Variants in UBE3A observed in about 807,000 individuals in gnomAD.
The protein encoded by UBE3A is ubiquitin-protein ligase E3A.
Under a neutral mutation model 83.4 loss-of-function variants are expected in UBE3A, and 6 were observed. The ratio of observed to expected loss-of-function variants is 0.07; its 90% CI spans 0.04 to 0.14. The LOEUF (loss-of-function observed/expected upper bound fraction) is 0.14. Ranked by LOEUF, UBE3A falls within the 10% of genes least tolerant of loss-of-function variation. UBE3A has a pLI of 1.00. For synonymous variants in UBE3A, 337 were observed against 355.4 expected (o/e 0.95, Z 0.58); for missense variants, 456 against 1,036.1 (o/e 0.44, Z 7.69).
At position 25,375,535 on chromosome 15, in the gene UBE3A, C is replaced by A; in HGVS notation, c.291G>T (p.Ser97=). 1 of 1,614,160 alleles carries A rather than the reference C, an allele frequency of 6.2e-7. No homozygotes were observed. The highest frequency in any genetic ancestry group is 8.5e-7 in the Non-Finnish European group (1 of 1,180,040). The stretch of plus-strand genomic sequence containing the variant: ...AGCAGGAGTTGTTGGGGGCACCTTT[C>A]GAGTTCTCAAGGTAAGCTGAGCTTG... ...KGASSAYLEN[S]KGAPNNSCSE... Residue 97 remains serine (S), a synonymous_variant, in exon 5 of 13, where the codon TCG becomes TCT. Transcript: ENST00000648336.
At chr15:25,400,551 A>T (rs923932032) in intron 4 of UBE3A, among the ~76,000 whole-genome samples, 1 of 152,150 alleles carries the variant, frequency 6.6e-6, no homozygotes, top group African/African-American at 2.4e-5. Flanking sequence ...GAGCCACTGC[A>T]TGTTTTGTTT....
In UBE3A at chr15:25,422,169, G is replaced by A. The variant is rs566632099; in HGVS notation, c.-164-10198C>T. Among the ~76,000 whole-genome samples, 7 of 152,218 alleles carry A rather than the reference G, an allele frequency of 4.6e-5. No homozygotes were observed. In the South Asian group the frequency reaches 1.5e-3, roughly 32 times the overall value. On this transcript the variant is annotated intron_variant, in intron 1 of 12. Transcript: ENST00000648336. ...AATCTCAAAAACATGCCAAGTGAAA[G>A]AAACCAGGCATGGAAGAGTACATGT...
At chr15:25,399,287 T>A (rs1031885951) in intron 4 of UBE3A, among the ~76,000 whole-genome samples, 2 of 152,158 alleles carry the variant, frequency 1.3e-5, no homozygotes, top group African/African-American at 4.8e-5. Flanking sequence ...TCCAAACCAA[T>A]GTCATGTACA....
chr15:25,404,570 A>G (rs1018338447), intron 4 of UBE3A, among the ~76,000 whole-genome samples: 8 of 152,084 alleles, frequency 5.3e-5, no homozygotes, highest in African/African-American at 1.7e-4. Flanking sequence ...TTGAATTCCT[A>G]TTATACCACT....
At chr15:25,380,266 G>A (rs555368099) in intron 4 of UBE3A, among the ~76,000 whole-genome samples, 1 of 151,800 alleles carries the variant, frequency 6.6e-6, no homozygotes, top group South Asian at 2.1e-4. Flanking sequence ...TCTCAGGTAC[G>A]TCTTTATCAG....
At chr15:25,406,688 TCACACACACA>T (rs60819760) in intron 3 of UBE3A, among the ~76,000 whole-genome samples, 39 of 148,692 alleles carry the variant, frequency 2.6e-4, no homozygotes, top group African/African-American at 9.1e-4. Flanking sequence ...TTAAAATCAG[TCACACACACA>T]CACACACACA....
At chr15:25,373,030 C>T (rs1452552463) in intron 5 of UBE3A, among the ~76,000 whole-genome samples, 1 of 152,082 alleles carries the variant, frequency 6.6e-6, no homozygotes, top group African/African-American at 2.4e-5. Flanking sequence ...ACAAGAGTAC[C>T]AACACTTACA....
Position 25,402,121 on chromosome 15 carries a change from G to A in UBE3A, c.62+3340C>T, listed in dbSNP as rs7165929. On this transcript the variant is annotated intron_variant, in intron 4 of 12. Transcript: ENST00000648336. ...TCCCTGACTGTTCTTGATCCCTGTA[G>A]TCATGTGTTGGCACCTGCACATTTG... is the stretch of plus-strand genomic sequence containing the variant. 2.0e-3 allele frequency among the ~76,000 whole-genome samples: 300 copies of A among 152,244 alleles called. 2 individuals carry two copies. Among genetic ancestry groups the A allele is most frequent in the African/African-American group, 6.9e-3 (287 of 41,564 alleles).
intron 6 of UBE3A, among the ~76,000 whole-genome samples, chr15:25,362,330 C>A (rs1025329473): frequency 6.6e-6 from 1 of 152,188 alleles, no homozygotes; most frequent in African/African-American, 2.4e-5. Context: ...TTAGGCCACA[C>A]AGTTTACTTT....
intron 1 of UBE3A, among the ~76,000 whole-genome samples, chr15:25,435,861 G>A (rs1224687160): frequency 6.6e-6 from 1 of 152,118 alleles, no homozygotes; most frequent in Non-Finnish European, 1.5e-5. Flanking sequence ...ACAACATAAA[G>A]GATAACATGC....
At chr15:25,426,336 C>T (rs1216194022) in intron 1 of UBE3A, among the ~76,000 whole-genome samples, 1 of 152,100 alleles carries the variant, frequency 6.6e-6, no homozygotes, top group Non-Finnish European at 1.5e-5. Context: ...CCATATAGTC[C>T]CAATGATTTA....
intron 1 of UBE3A, among the ~76,000 whole-genome samples, chr15:25,428,973 T>A (rs972962538): frequency 6.6e-6 from 1 of 152,140 alleles, no homozygotes; most frequent in Admixed American, 6.5e-5. Context: ...CCATCAATAG[T>A]GGGACACATA....
In UBE3A at chr15:25,356,713, C is replaced by A. The variant is rs374601913; in HGVS notation, c.1937G>T (p.Arg646Leu). 1 of 1,613,154 alleles carries A rather than the reference C, an allele frequency of 6.2e-7. No homozygotes were observed. Among genetic ancestry groups the A allele is most frequent in the East Asian group, 2.2e-5 (1 of 44,770 alleles). ...RKLMGKKGTF[R>L]DLGDSHPVLY... ...TACTGGGTGAGAGTCTCCCAAGTCACGAAAAGTTCCTTTTTTCCCCATTAG... is the reference window on the plus strand; with the variant it reads ...TACTGGGTGAGAGTCTCCCAAGTCAAGAAAAGTTCCTTTTTTCCCCATTAG... The change falls in exon 8 of 13, where the codon CGT becomes CTT. Residue 646 changes from arginine to leucine, a missense_variant. Physicochemically the swap from Arg to Leu is moderately radical, Grantham distance 102 (BLOSUM62 -2). Transcript: ENST00000648336.
At chr15:25,342,792 A>C (rs923352488) in intron 11 of UBE3A, among the ~76,000 whole-genome samples, 6 of 152,150 alleles carry the variant, frequency 3.9e-5, no homozygotes, top group Non-Finnish European at 8.8e-5. Flanking sequence ...GGATCACCCA[A>C]GGCCAGACCC....
intron 4 of UBE3A, among the ~76,000 whole-genome samples, chr15:25,399,739 AAT>A (rs1567073118): frequency 1.3e-5 from 2 of 148,198 alleles, no homozygotes; most frequent in African/African-American, 2.5e-5. Flanking sequence ...TGGCTTTAAA[AAT>A]TTTTTTTTTT....
rs532932494 is a variant in UBE3A, at chr15:25,335,999, T to C, written c.*3138A>G. 28 of 152,286 alleles carry C rather than the reference T, an allele frequency of 1.8e-4. No homozygotes were observed. The highest frequency in any genetic ancestry group is 6.3e-4 in the African/African-American group (26 of 41,546). The allele number at this position is 152,286 out of a possible 1,614,324, so 9.4% of individuals were successfully genotyped here. ...GACTGTACTTTCGGTGAAACTACCATGCATTAGTAGCCTTTCACAGTGATA... is the reference window on the plus strand; with the variant it reads ...GACTGTACTTTCGGTGAAACTACCACGCATTAGTAGCCTTTCACAGTGATA... On this transcript the variant is annotated 3_prime_UTR_variant, in exon 13 of 13. Coordinates refer to ENST00000648336, the MANE Select transcript of UBE3A (RefSeq NM_130839.5).
chr15:25,396,771 T>C (rs530220645), intron 4 of UBE3A, among the ~76,000 whole-genome samples: 8 of 152,228 alleles, frequency 5.3e-5, no homozygotes, highest in Admixed American at 4.6e-4. Context: ...AAACACTTGT[T>C]TAAGAGTATT....
At chr15:25,431,453 G>A (rs1026186462) in intron 1 of UBE3A, among the ~76,000 whole-genome samples, 9 of 151,912 alleles carry the variant, frequency 5.9e-5, no homozygotes, top group African/African-American at 1.2e-4. Context: ...AGCGATTCTC[G>A]TGCCTCAGCC....
chr15:25,336,002 A>G lies in UBE3A; in HGVS notation c.*3135T>C, dbSNP rs952000869. The G allele has an allele frequency of 6.6e-6, 1 of 152,200 alleles. No homozygotes were observed. Among genetic ancestry groups the G allele is most frequent in the Non-Finnish European group, 1.5e-5 (1 of 68,038 alleles). The allele number at this position is 152,200 out of a possible 1,614,324, so 9.4% of individuals were successfully genotyped here. On this transcript the variant is annotated 3_prime_UTR_variant, in exon 13 of 13. Coordinates refer to ENST00000648336, the MANE Select transcript of UBE3A (RefSeq NM_130839.5). ...TGTACTTTCGGTGAAACTACCATGC[A>G]TTAGTAGCCTTTCACAGTGATATCT... is the stretch of plus-strand genomic sequence containing the variant.
Sources: allele counts gnomAD v4.1 joint callset (sites outside exome capture counted in the v4.1 genomes callset), GRCh38; gene constraint gnomAD v4.1.1; transcripts MANE v1.5; gene names NCBI Gene and HGNC (gene_info 2026-07-23, HGNC 2026-07-21).